GPBP1L1: variants seen among roughly 807,000 people sequenced by gnomAD.
GPBP1L1 encodes GC-rich promoter binding protein 1 like 1.
GPBP1L1 carries 23 observed loss-of-function variants against 52.5 expected under a neutral mutation model. The ratio of observed to expected loss-of-function variants is 0.44; its 90% CI spans 0.32 to 0.62. The LOEUF (loss-of-function observed/expected upper bound fraction) is 0.62. GPBP1L1 is among the 20% of genes least tolerant of loss of function. The probability of loss-of-function intolerance (pLI) is 0.06; values close to 1 mark genes in which losing one functional copy is unlikely to be tolerated. For synonymous variants in GPBP1L1, 243 were observed against 203.1 expected (o/e 1.20, Z -1.67); for missense variants, 596 against 579.3 (o/e 1.03, Z -0.30).
intron 6 of GPBP1L1, chr1:45,645,962 G>C: frequency 2.0e-6 from 1 of 495,386 alleles, no homozygotes; most frequent in South Asian, 1.5e-5. Context: ...AGATCTTTGA[G>C]TTGCAAATCA....
At chr1:45,683,016 C>T (rs1247999798) in intron 2 of GPBP1L1, among the ~76,000 whole-genome samples, 1 of 151,378 alleles carries the variant, frequency 6.6e-6, no homozygotes, top group Admixed American at 6.6e-5. Context: ...CCTCATCTAT[C>T]TGAACAACCA....
At chr1:45,671,831 T>TA (rs1553184061) in intron 2 of GPBP1L1, among the ~76,000 whole-genome samples, 4 of 151,208 alleles carry the variant, frequency 2.6e-5, no homozygotes, top group South Asian at 2.1e-4. Context: ...TCTCTAATAA[T>TA]AATAAATAAA....
At chr1:45,668,125 T>C (rs1253532015) in intron 2 of GPBP1L1, among the ~76,000 whole-genome samples, 1 of 152,134 alleles carries the variant, frequency 6.6e-6, no homozygotes, top group South Asian at 2.1e-4. Context: ...CCACAGAAAA[T>C]TACCTTTCTC....
intron 9 of GPBP1L1, 115 bp from the exon 10 acceptor site, chr1:45,633,762 A>AC: frequency 1.8e-6 from 2 of 1,091,788 alleles, no homozygotes; most frequent in Non-Finnish European, 2.6e-6. Flanking sequence ...TCTGTCTTAA[A>AC]CCAAACAATC....
In GPBP1L1 at chr1:45,628,187, AT is replaced by A. The variant is rs1644481936; in HGVS notation, c.*68del. ...ACAACATAAGAAAAGGAAAAGAACG[AT>A]TTCTTTTGTATACTCCCTAAACACA... is the stretch of plus-strand genomic sequence containing the variant. On this transcript the variant is annotated 3_prime_UTR_variant, in exon 13 of 13. Transcript: ENST00000355105. 2.1e-6 allele frequency: 3 copies of A among 1,407,746 alleles called. No individual in the cohort carries two copies. In the African/African-American group the frequency reaches 4.3e-5, roughly 20 times the overall value. The allele number at this position is 1,407,746 out of a possible 1,614,324, so 87.2% of individuals were successfully genotyped here. A position where few individuals can be genotyped will look rare whatever the true frequency, so the allele number is the denominator to read the frequency against.
In GPBP1L1 at chr1:45,659,136, C is replaced by G; in HGVS notation, c.-49G>C. 6.3e-7 allele frequency: 1 copy of G among 1,592,512 alleles called. No individual in the cohort carries two copies. The highest frequency in any genetic ancestry group is 8.6e-7 in the Non-Finnish European group (1 of 1,161,772). ...TAAGGTGAGGCATCCAACCTCATGG[C>G]CAGGATCTGAAAACAAAACAATTCA... On this transcript the variant is annotated 5_prime_UTR_variant, in exon 4 of 13. Transcript: ENST00000355105.
intron 2 of GPBP1L1, among the ~76,000 whole-genome samples, chr1:45,678,238 G>A (rs938707307): frequency 2.6e-5 from 4 of 152,138 alleles, no homozygotes; most frequent in East Asian, 1.9e-4. Context: ...GTACAAATGC[G>A]AATATACTAA....
rs369502517 is a variant in GPBP1L1 at position 45,660,457 on chromosome 1, AG to A, written c.-330del. ...TAAAAAGTATTTGTTACATTTAAAAAGGGGGGGAAGGGGAAAGAGCTGTATC... is the reference window on the plus strand; with the variant it reads ...TAAAAAGTATTTGTTACATTTAAAAAGGGGGGAAGGGGAAAGAGCTGTATC... On this transcript the variant is annotated 5_prime_UTR_variant, in exon 3 of 13. Coordinates refer to ENST00000355105, the MANE Select transcript of GPBP1L1 (RefSeq NM_021639.5). 40 of 968,044 alleles carry A rather than the reference AG, an allele frequency of 4.1e-5. No individual in the cohort carries two copies. The South Asian group carries it at 1.7e-3, about 42-fold the overall frequency. 60.0% of individuals were successfully genotyped at this position (968,044 alleles called of 1,614,324 possible). A position where few individuals can be genotyped will look rare whatever the true frequency, so the allele number is the denominator to read the frequency against.
intron 2 of GPBP1L1, among the ~76,000 whole-genome samples, chr1:45,671,189 A>G (rs1645070238): frequency 6.8e-6 from 1 of 146,108 alleles, no homozygotes; most frequent in Non-Finnish European, 1.5e-5. Flanking sequence ...AAAATGCCTT[A>G]GCTATTCTTG....
intron 8 of GPBP1L1, among the ~76,000 whole-genome samples, chr1:45,639,761 G>C (rs2148436897): frequency 6.6e-6 from 1 of 152,042 alleles, no homozygotes; most frequent in East Asian, 1.9e-4. Context: ...GGCGCCTGTA[G>C]TCCCAGCTAC....
chr1:45,644,098 C>T (rs1042665226), intron 6 of GPBP1L1, among the ~76,000 whole-genome samples: 3 of 152,166 alleles, frequency 2.0e-5, no homozygotes, highest in Admixed American at 2.0e-4. Context: ...ATTTTCCAAG[C>T]AATCAAGGTG....
chr1:45,648,984 C>A (rs1176058352), intron 6 of GPBP1L1, among the ~76,000 whole-genome samples: 1 of 152,192 alleles, frequency 6.6e-6, no homozygotes, highest in South Asian at 2.1e-4. Context: ...GAGCCAAGAT[C>A]GCGCCATTGC....
intron 6 of GPBP1L1, chr1:45,645,782 T>TTG: frequency 5.5e-6 from 2 of 363,626 alleles, no homozygotes; most frequent in South Asian, 2.2e-5. Context: ...TTTTTTTTTT[T>TTG]GAGGCATTTT....
At chr1:45,649,912 T>C (rs922232837) in intron 6 of GPBP1L1, among the ~76,000 whole-genome samples, 5 of 152,174 alleles carry the variant, frequency 3.3e-5, no homozygotes, top group Admixed American at 2.0e-4. Flanking sequence ...ATTTCATATA[T>C]AGTTTTTCTA....
chr1:45,655,131 C>G (rs1225014199), intron 5 of GPBP1L1, 59 bp downstream of exon 5: 3 of 1,603,438 alleles, frequency 1.9e-6, no homozygotes, highest in Non-Finnish European at 2.6e-6. Context: ...GTACCCACAG[C>G]CTGGGCTTGT....
At chr1:45,629,720 C>T (rs1644505759) in intron 11 of GPBP1L1, 42 bp from the exon 12 acceptor site, 2 of 1,278,670 alleles carry the variant, frequency 1.6e-6, no homozygotes, top group African/African-American at 1.5e-5. Context: ...TACAACATCA[C>T]TAAGCCTAAG....
chr1:45,663,717 C>A (rs1644974984), intron 2 of GPBP1L1, among the ~76,000 whole-genome samples: 1 of 151,958 alleles, frequency 6.6e-6, no homozygotes, highest in Admixed American at 6.6e-5. Flanking sequence ...AGGAAAAATC[C>A]CAAAATGTTA....
intron 11 of GPBP1L1, among the ~76,000 whole-genome samples, chr1:45,629,954 CTTT>C (rs529687758): frequency 7.1e-6 from 1 of 140,984 alleles, no homozygotes; most frequent in African/African-American, 2.6e-5. Flanking sequence ...TGCAGTCTGG[CTTT>C]TTTTTTTTTT....
intron 11 of GPBP1L1, 167 bp from the exon 12 acceptor site, chr1:45,629,845 C>T: frequency 1.7e-6 from 1 of 587,594 alleles, no homozygotes; most frequent in Non-Finnish European, 3.0e-6. Flanking sequence ...TACCTGGGTG[C>T]TGTAAATAAA....
Sources: gnomAD v4.1 joint callset for allele counts (sites outside exome capture counted in the v4.1 genomes callset) on GRCh38, gnomAD v4.1.1 for gene constraint, MANE v1.5 for transcripts, NCBI Gene and HGNC (gene_info 2026-07-23, HGNC 2026-07-21) for gene names.